Variants in NTN1 observed in about 807,000 individuals in gnomAD.
NTN1 encodes the protein netrin-1.
In NTN1, 11 loss-of-function variants were observed where a neutral mutation model predicts 54.2. That is an observed-to-expected ratio of 0.20 (90% confidence interval 0.13 to 0.34). The LOEUF (loss-of-function observed/expected upper bound fraction) is 0.34. NTN1 is among the 10% of genes least tolerant of loss of function. The pLI, the probability that NTN1 is intolerant of heterozygous loss-of-function variation, is 1.00. For missense variants in NTN1, 740 were observed against 893.1 expected (o/e 0.83, Z 2.18); for synonymous variants, 371 against 382.0 (o/e 0.97, Z 0.33).
chr17:9,164,757 A>C (rs533360380), intron 3 of NTN1, among the ~76,000 whole-genome samples: 1 of 152,252 alleles, frequency 6.6e-6, no homozygotes, highest in African/African-American at 2.4e-5. Context: ...TTGCCAAGAG[A>C]AACATGAACA....
intron 4 of NTN1, among the ~76,000 whole-genome samples, chr17:9,182,033 A>G (rs2092420132): frequency 6.6e-6 from 1 of 152,186 alleles, no homozygotes; most frequent in African/African-American, 2.4e-5. Context: ...GCTGGAGTGC[A>G]GTGGTACCAT....
rs139168003 is a variant in NTN1, at chr17:9,035,879, G to A, written c.1018+12488G>A. On this transcript the variant is annotated intron_variant, in intron 2 of 6. Transcript: ENST00000173229. Reference sequence around the variant, plus strand: ...TCTACTAAAAATACAAAAATTAGCCGGGTATGGTGGTGCACGCCTGTAATC... The same window carrying A: ...TCTACTAAAAATACAAAAATTAGCCAGGTATGGTGGTGCACGCCTGTAATC... Among the ~76,000 whole-genome samples the A allele has an allele frequency of 2.6e-3, 389 of 148,648 alleles. 1 individual carries two copies. Among genetic ancestry groups the A allele is most frequent in the Non-Finnish European group, 4.1e-3 (278 of 68,002 alleles).
intron 3 of NTN1, among the ~76,000 whole-genome samples, chr17:9,178,536 ACAGACTCCCGTGCTCACGCC>A (rs2092408189): frequency 6.6e-6 from 1 of 152,238 alleles, no homozygotes; most frequent in Admixed American, 6.5e-5. Flanking sequence ...GTTTTGAGCC[ACAGACTCCCGTGCTCACGCC>A]CAGCAGTGCT....
intron 6 of NTN1, among the ~76,000 whole-genome samples, chr17:9,222,284 TTAAC>T (rs1325596673): frequency 6.6e-6 from 1 of 152,204 alleles, no homozygotes; most frequent in Non-Finnish European, 1.5e-5. Flanking sequence ...TGTCCCATCT[TTAAC>T]TGACCCCAGG....
Position 9,114,164 on chromosome 17 carries a change from A to ATATATATATATATATATAT in NTN1, c.1019-48649_1019-48648insTATATATATATATATATAT, listed in dbSNP as rs1404097905. 1.9e-3 allele frequency among the ~76,000 whole-genome samples: 153 copies of ATATATATATATATATATAT among 80,342 alleles called. 1 individual carries two copies. Among genetic ancestry groups the ATATATATATATATATATAT allele is most frequent in the Middle Eastern group, 7.1e-3 (1 of 140 alleles). The allele number at this position is 80,342 out of a possible 152,430, so 52.7% of individuals were successfully genotyped here. A position where few individuals can be genotyped will look rare whatever the true frequency, so the allele number is the denominator to read the frequency against. ...GTGCCAAAAAAAAAGAAAAAAAAAA[A>ATATATATATATATATATAT]AAATATATATATATATATATATGAT... On this transcript the variant is annotated intron_variant, in intron 2 of 6. Transcript: ENST00000173229.
the NTN1 span, among the ~76,000 whole-genome samples, chr17:9,011,277 G>A: frequency 7.6e-3 from 1,156 of 152,278 alleles, 7 homozygotes; most frequent in Non-Finnish European, 0.01. Context: ...CTGGTCTGGG[G>A]GTTAGGGACC....
chr17:9,084,925 C>CTT (rs2092085561), intron 2 of NTN1, among the ~76,000 whole-genome samples: 2 of 152,142 alleles, frequency 1.3e-5, no homozygotes, highest in African/African-American at 4.8e-5. Flanking sequence ...TGCTGGATTA[C>CTT]AGGCGTGAGC....
chr17:9,021,024 C>G (rs2091844468), upstream of NTN1, among the ~76,000 whole-genome samples: 1 of 152,194 alleles, frequency 6.6e-6, no homozygotes, highest in South Asian at 2.1e-4. Flanking sequence ...AGGGGCACAG[C>G]CCTGTGCGCG....
chr17:9,081,089 G>T (rs563359351), intron 2 of NTN1, among the ~76,000 whole-genome samples: 19 of 152,320 alleles, frequency 1.2e-4, no homozygotes, highest in African/African-American at 4.6e-4. Flanking sequence ...ATTGGCATCA[G>T]AAGTGCTGGG....
chr17:9,217,860 A>G (rs1430853964), intron 5 of NTN1, among the ~76,000 whole-genome samples: 1 of 99,680 alleles, frequency 1.0e-5, no homozygotes, highest in African/African-American at 2.9e-5. Context: ...ACACCAAAAA[A>G]AAAAAAAAAA....
intron 2 of NTN1, among the ~76,000 whole-genome samples, chr17:9,075,229 C>T (rs1023893275): frequency 6.6e-6 from 1 of 152,142 alleles, no homozygotes; most frequent in Non-Finnish European, 1.5e-5. Flanking sequence ...GCCTGTAATC[C>T]CAGCACTTTG....
rs150263111 is a variant in NTN1, at chr17:9,182,054, T to A, written c.1358-862T>A. 4.1e-3 allele frequency among the ~76,000 whole-genome samples: 619 copies of A among 152,344 alleles called. 6 individuals are homozygous for A. The highest frequency in any genetic ancestry group is 0.014 in the African/African-American group (592 of 41,580). The stretch of plus-strand genomic sequence containing the variant: ...GTGCAGTGGTACCATCATAGCTCAC[T>A]GCAACCTCAAACTCCTGGGCTCAAG... On this transcript the variant is annotated intron_variant, in intron 4 of 6. Coordinates refer to ENST00000173229, the MANE Select transcript of NTN1 (RefSeq NM_004822.3).
At chr17:9,155,765 T>C (rs1347375968) in intron 2 of NTN1, among the ~76,000 whole-genome samples, 1 of 152,170 alleles carries the variant, frequency 6.6e-6, no homozygotes, top group African/African-American at 2.4e-5. Context: ...CCAGGAATTC[T>C]CAAACTCAGC....
intron 2 of NTN1, among the ~76,000 whole-genome samples, chr17:9,146,619 AGACACACCCTGGGG>A (rs2092314120): frequency 1.4e-5 from 2 of 144,592 alleles, no homozygotes; most frequent in East Asian, 1.9e-4. Flanking sequence ...GGGGGTCTTT[AGACACACCCTGGGG>A]CTCCTGGCAG....
At chr17:9,133,565 G>A (rs2092271995) in intron 2 of NTN1, among the ~76,000 whole-genome samples, 1 of 151,468 alleles carries the variant, frequency 6.6e-6, no homozygotes, top group African/African-American at 2.4e-5. Flanking sequence ...CTTCCATTCT[G>A]TGCAGGGACC....
chr17:9,236,674 T>C (rs566232118), intron 6 of NTN1, among the ~76,000 whole-genome samples: 4 of 152,300 alleles, frequency 2.6e-5, no homozygotes, highest in South Asian at 4.1e-4. Flanking sequence ...GGCTGGTTGC[T>C]TTGTCCTGAC....
At chr17:9,071,801 C>T (rs2092032865) in intron 2 of NTN1, among the ~76,000 whole-genome samples, 1 of 152,226 alleles carries the variant, frequency 6.6e-6, no homozygotes, top group Non-Finnish European at 1.5e-5. Flanking sequence ...CATATGTCTC[C>T]AAAGTCATGC....
At chr17:9,032,341 C>T (rs1020335472) in intron 2 of NTN1, among the ~76,000 whole-genome samples, 4 of 152,210 alleles carry the variant, frequency 2.6e-5, no homozygotes, top group Admixed American at 1.3e-4. Flanking sequence ...ATGTCCGCCC[C>T]GACGTTTCTG....
chr17:9,078,008 C>A (rs1010726406), intron 2 of NTN1, among the ~76,000 whole-genome samples: 1 of 152,158 alleles, frequency 6.6e-6, no homozygotes, highest in African/African-American at 2.4e-5. Context: ...TGGTTAAGCA[C>A]TCCTTGTCAC....
Sources: gnomAD v4.1 joint callset for allele counts (sites outside exome capture counted in the v4.1 genomes callset) on GRCh38, gnomAD v4.1.1 for gene constraint, MANE v1.5 for transcripts, NCBI Gene and HGNC (gene_info 2026-07-23, HGNC 2026-07-21) for gene names.